SLC6A12: variants seen among roughly 807,000 people sequenced by gnomAD.
SLC6A12 encodes sodium- and chloride-dependent betaine transporter.
In SLC6A12, 50 loss-of-function variants were observed where a neutral mutation model predicts 73.3. The observed-to-expected ratio is 0.68, with a 90% CI of 0.54 to 0.86. The LOEUF (loss-of-function observed/expected upper bound fraction) is 0.86. SLC6A12 is among the 40% of genes least tolerant of loss of function. SLC6A12 has a pLI of 0.00. For synonymous variants in SLC6A12, 304 were observed against 309.2 expected (o/e 0.98, Z 0.18); for missense variants, 648 against 772.8 (o/e 0.84, Z 1.92).
chr12:200,260 C>T (rs1461502958), intron 7 of SLC6A12, among the ~76,000 whole-genome samples: 61 of 151,220 alleles, frequency 4.0e-4, no homozygotes, highest in Non-Finnish European at 3.8e-4. Context: ...AGGTGCCCAC[C>T]ACCACGCCCG....
chr12:204,747 A>G (rs748446620), intron 3 of SLC6A12, 49 bp from the exon 4 acceptor site: 3 of 1,605,828 alleles, frequency 1.9e-6, no homozygotes, highest in Admixed American at 1.7e-5. Context: ...GCTCTTCCTC[A>G]GCCTCCATCC....
downstream of SLC6A12, among the ~76,000 whole-genome samples, chr12:189,118 C>G (rs974882330): frequency 6.6e-6 from 1 of 152,218 alleles, no homozygotes; most frequent in African/African-American, 2.4e-5. Context: ...CTCCAGGGTG[C>G]AGCACCGACG....
Position 192,656 on chromosome 12 carries a change from A to G in SLC6A12, c.1531-8T>C, listed in dbSNP as rs1174651157. The G allele has an allele frequency of 4.3e-6, 7 of 1,613,762 alleles. No individual in the cohort carries two copies. In the East Asian group the frequency reaches 1.3e-4, roughly 31 times the overall value. On this transcript the variant is annotated splice_region_variant and splice_polypyrimidine_tract_variant and intron_variant, in intron 14 of 15. Transcript: ENST00000684302. The stretch of plus-strand genomic sequence containing the variant: ...GGAGAAGAGGAAAGTGGCCTGGGAG[A>G]AGGAAGGGGCAGCCATGGGTAAGAT...
chr12:189,298 G>T (rs1298566967), downstream of SLC6A12, among the ~76,000 whole-genome samples: 1 of 152,162 alleles, frequency 6.6e-6, no homozygotes, highest in Non-Finnish European at 1.5e-5. Context: ...CGCTGCGCCG[G>T]CCTCGCGTTT....
rs756630154 is a variant in SLC6A12 at position 200,738 on chromosome 12, G to T, written c.624C>A (p.Ser208=). 1.2e-6 allele frequency: 2 copies of T among 1,614,094 alleles called. No homozygotes were observed. The highest frequency in any genetic ancestry group is 1.7e-6 in the Non-Finnish European group (2 of 1,180,002). The change falls in exon 7 of 16, where the codon TCC becomes TCA. Residue 208 remains serine (S), a synonymous_variant. Coordinates refer to ENST00000684302, the MANE Select transcript of SLC6A12 (RefSeq NM_001122848.3). Reference sequence around the variant, plus strand: ...GGCACAGGGCCAGCTCCCAGCGCAGGGAGCCCAGGTCATGGATGCCCGAGG... The same window carrying T: ...GGCACAGGGCCAGCTCCCAGCGCAGTGAGCCCAGGTCATGGATGCCCGAGG... The part of the protein sequence containing the change: ...GITSGIHDLG[S]LRWELALCLL...
chr12:200,603 T>C (rs1182487639), intron 7 of SLC6A12, 48 bp downstream of exon 7: 2 of 1,596,110 alleles, frequency 1.3e-6, no homozygotes, highest in Admixed American at 3.4e-5. Context: ...AGTGTCCCCG[T>C]AGACTCTGGG....
chr12:205,861 C>T (rs1302863263), intron 3 of SLC6A12, among the ~76,000 whole-genome samples: 1 of 152,170 alleles, frequency 6.6e-6, no homozygotes, highest in African/African-American at 2.4e-5. Context: ...ATTTTGATTG[C>T]TGCATAGTGT....
At chr12:202,687 A>G (rs1431090725) in intron 5 of SLC6A12, 53 bp downstream of exon 5, 3 of 1,569,796 alleles carry the variant, frequency 1.9e-6, no homozygotes, top group Non-Finnish European at 2.6e-6. Context: ...TTCACCAGCC[A>G]CCGCAGCCCA....
chr12:187,947 A>G (rs1293276078), downstream of SLC6A12, among the ~76,000 whole-genome samples: 1 of 152,136 alleles, frequency 6.6e-6, no homozygotes, highest in African/African-American at 2.4e-5. Flanking sequence ...TGGTGTGTTT[A>G]CAAACCTTGA....
At chr12:197,286 C>A in intron 10 of SLC6A12, 91 bp downstream of exon 10, 2 of 1,403,320 alleles carry the variant, frequency 1.4e-6, no homozygotes, top group Non-Finnish European at 1.9e-6. Context: ...TCATATTGCC[C>A]ATCTTCTGGG....
chr12:185,926 CCT>C (rs1280768967), downstream of SLC6A12, among the ~76,000 whole-genome samples: 1 of 152,218 alleles, frequency 6.6e-6, no homozygotes, highest in African/African-American at 2.4e-5. Context: ...GCTTCTCATC[CCT>C]GTTAGATCCA....
At chr12:187,597 A>AG (rs1565461291), downstream of SLC6A12, among the ~76,000 whole-genome samples, 25 of 6,674 alleles carry the variant, frequency 3.7e-3, no homozygotes, top group African/African-American at 5.5e-3. Flanking sequence ...AGCAAAAAAA[A>AG]AAAAAAAAAA....
chr12:195,728 T>A (rs193180755), intron 12 of SLC6A12, among the ~76,000 whole-genome samples: 19 of 152,142 alleles, frequency 1.2e-4, no homozygotes, highest in African/African-American at 4.1e-4. Flanking sequence ...TGGCTGACAG[T>A]AACAGGTAAG....
intron 15 of SLC6A12, 72 bp from the exon 16 acceptor site, chr12:191,283 C>T: frequency 8.2e-7 from 1 of 1,224,304 alleles, no homozygotes; most frequent in Non-Finnish European, 1.0e-6. Context: ...TGTGTGCAAC[C>T]CCAGGGCCCA....
In SLC6A12 at chr12:198,682, C is replaced by G; in HGVS notation, c.846+115G>C. ...TTCTTCCATATTTTCTAATTTATCT[C>G]CAGTGGGCATTTATTGCTTTTAAAC... On this transcript the variant is annotated intron_variant, in intron 8 of 15. Transcript: ENST00000684302. The surrounding 1 kb of genome is among the most constrained non-coding windows in gnomAD (Gnocchi z 4.0). The G allele has an allele frequency of 1.3e-6, 1 of 780,952 alleles. No homozygotes were observed. Among genetic ancestry groups the G allele is most frequent in the South Asian group, 2.5e-5 (1 of 40,492 alleles). 48.4% of individuals were successfully genotyped at this position (780,952 alleles called of 1,614,324 possible). A position where few individuals can be genotyped will look rare whatever the true frequency, so the allele number is the denominator to read the frequency against.
In SLC6A12 at chr12:197,962, G is replaced by A; in HGVS notation, c.888C>T (p.Ala296=). 6.2e-7 allele frequency: 1 copy of A among 1,611,336 alleles called. No individual in the cohort carries two copies. The highest frequency in any genetic ancestry group is 8.5e-7 in the Non-Finnish European group (1 of 1,178,688). The change falls in exon 9 of 16, where the codon GCC becomes GCT. Residue 296 remains alanine (A), a synonymous_variant. Transcript: ENST00000684302. ...DAGTQIFFSF[A]ICQGCLTALG... The stretch of plus-strand genomic sequence containing the variant: ...GGGCTGTCAGGCACCCCTGGCAGAT[G>A]GCAAAGGAGAAGAAGATCTGGGTGC...
At position 209,825 on chromosome 12, in the gene SLC6A12, A is replaced by G. The variant is rs565063850; in HGVS notation, c.162T>C (p.Ile54=). The G allele has an allele frequency of 8.1e-6, 13 of 1,614,138 alleles. No homozygotes were observed. In the Admixed American group the frequency reaches 2.2e-4, roughly 27 times the overall value. ...GAAACCTCCAGACATTGCCCAGCCC[A>G]ATGATCTCCCCGGCCACTGACAGCA... The part of the protein sequence containing the change: ...EFVLSVAGEI[I]GLGNVWRFPY... Residue 54 remains isoleucine, a synonymous_variant, in exon 3 of 16, where the codon ATT becomes ATC. Coordinates refer to ENST00000684302, the MANE Select transcript of SLC6A12 (RefSeq NM_001122848.3).
downstream of SLC6A12, among the ~76,000 whole-genome samples, chr12:189,005 G>C (rs917334796): frequency 6.6e-6 from 1 of 152,218 alleles, no homozygotes; most frequent in Non-Finnish European, 1.5e-5. Context: ...AGGGGGTCTG[G>C]GGCAGCAGAG....
At chr12:185,479 T>C (rs1939415350), downstream of SLC6A12, among the ~76,000 whole-genome samples, 1 of 152,180 alleles carries the variant, frequency 6.6e-6, no homozygotes, top group African/African-American at 2.4e-5. Context: ...CTTTTGGATG[T>C]GACAGCCACC....
Sources: gnomAD v4.1 joint callset for allele counts (sites outside exome capture counted in the v4.1 genomes callset) on GRCh38, gnomAD v4.1.1 for gene constraint, Gnocchi (gnomAD v3.1) non-coding constraint, MANE v1.5 for transcripts, NCBI Gene and HGNC (gene_info 2026-07-23, HGNC 2026-07-21) for gene names.